Variants in ADGRL3 observed in about 807,000 individuals in gnomAD.
The protein encoded by ADGRL3 is adhesion G protein-coupled receptor L3, also known as calcium-independent alpha-latrotoxin receptor 3.
Under a neutral mutation model 153.5 loss-of-function variants are expected in ADGRL3, and 62 were observed. That is an observed-to-expected ratio of 0.40 (90% CI 0.33 to 0.50). ADGRL3 has a LOEUF of 0.50. ADGRL3 is among the 20% of genes least tolerant of loss of function. ADGRL3 has a pLI of 0.47. For synonymous variants in ADGRL3, 710 were observed against 672.5 expected, an observed-to-expected ratio of 1.06 and a Z score of -0.86; for missense variants, 1,641 against 1,859.4, an observed-to-expected ratio of 0.88 and a Z score of 2.16.
chr4:61,998,215 T>C lies in ADGRL3; in HGVS notation c.3345T>C (p.Phe1115=). ...IFLGIALYKM[F]HHTAILKPES... is the part of the protein sequence containing the mutation. ...TTGGGATTGCTTTATATAAAATGTT[T>C]CATCATACTGCTATACTGAAACCTG... The change falls in exon 21 of 27, where the codon TTT becomes TTC. Residue 1115 remains phenylalanine, a synonymous_variant. Coordinates refer to ENST00000683033, the MANE Select transcript of ADGRL3 (RefSeq NM_001387552.1). The C allele has an allele frequency of 6.3e-7, 1 of 1,587,800 alleles. No individual in the cohort carries two copies. The highest frequency in any genetic ancestry group is 1.4e-5 in the African/African-American group (1 of 73,894).
intron 13 of ADGRL3, among the ~76,000 whole-genome samples, chr4:61,931,594 GTC>G (rs1378244131): frequency 6.6e-6 from 1 of 152,132 alleles, no homozygotes; most frequent in African/African-American, 2.4e-5. Flanking sequence ...ACAGAATACT[GTC>G]TCTCTATCCT....
chr4:61,720,012 A>T (rs1580443402), intron 6 of ADGRL3, among the ~76,000 whole-genome samples: 1 of 152,058 alleles, frequency 6.6e-6, no homozygotes, highest in African/African-American at 2.4e-5. Flanking sequence ...GATGTCCAAG[A>T]AAAGCAATGT....
At chr4:61,789,078 CATAAA>C (rs1289790863) in intron 8 of ADGRL3, among the ~76,000 whole-genome samples, 4 of 151,860 alleles carry the variant, frequency 2.6e-5, no homozygotes, top group African/African-American at 9.7e-5. Context: ...TGCATTATGT[CATAAA>C]ATAAACAGAT....
rs1733577118 is a variant in ADGRL3 at position 62,050,610 on chromosome 4, GA to G, written c.3814+6068del. ...ATATTTTTAAAGAAAAAATGCAAAT[GA>G]AAAAAATCTAAGTGATGTTTCACTG... On this transcript the variant is annotated intron_variant, in intron 25 of 26. Coordinates refer to ENST00000683033, the MANE Select transcript of ADGRL3 (RefSeq NM_001387552.1). 2.0e-5 allele frequency among the ~76,000 whole-genome samples: 3 copies of G among 151,876 alleles called. No homozygotes were observed. The South Asian group carries it at 6.2e-4, about 32-fold the overall frequency.
At chr4:62,060,951 C>G (rs971637490) in intron 25 of ADGRL3, among the ~76,000 whole-genome samples, 4 of 151,862 alleles carry the variant, frequency 2.6e-5, no homozygotes, top group African/African-American at 9.7e-5. Flanking sequence ...TATGCTAATT[C>G]TTTGCAGGAA....
intron 1 of ADGRL3, among the ~76,000 whole-genome samples, chr4:61,237,190 TTCCAA>T (rs1273708262): frequency 6.6e-6 from 1 of 152,192 alleles, no homozygotes; most frequent in Non-Finnish European, 1.5e-5. Flanking sequence ...TCTTCACATT[TTCCAA>T]CCGTATATAT....
At chr4:61,817,786 G>A (rs1287707822) in intron 9 of ADGRL3, among the ~76,000 whole-genome samples, 2 of 152,032 alleles carry the variant, frequency 1.3e-5, no homozygotes, top group Non-Finnish European at 2.9e-5. Flanking sequence ...CAATGCAAGA[G>A]CCAAGCAAAA....
At chr4:61,302,648 A>G (rs1213564328) in intron 1 of ADGRL3, among the ~76,000 whole-genome samples, 1 of 152,098 alleles carries the variant, frequency 6.6e-6, no homozygotes, top group Non-Finnish European at 1.5e-5. Context: ...TATGCATATT[A>G]ATATTTTAAA....
intron 2 of ADGRL3, among the ~76,000 whole-genome samples, chr4:61,389,128 C>A (rs1393339843): frequency 1.3e-5 from 2 of 152,174 alleles, no homozygotes; most frequent in African/African-American, 4.8e-5. Flanking sequence ...AAGCAGCATG[C>A]ATGATCATGT....
At chr4:61,830,169 C>T (rs895132409) in intron 9 of ADGRL3, among the ~76,000 whole-genome samples, 7 of 152,028 alleles carry the variant, frequency 4.6e-5, no homozygotes, top group Non-Finnish European at 7.3e-5. Context: ...CCATCATGCC[C>T]AGCTAATTTT....
intron 1 of ADGRL3, among the ~76,000 whole-genome samples, chr4:61,381,013 T>C (rs909640417): frequency 6.6e-6 from 1 of 151,950 alleles, no homozygotes; most frequent in East Asian, 1.9e-4. Flanking sequence ...TCACACCTGG[T>C]TGCCTTCTCA....
At chr4:61,961,689 C>G (rs1351026225) in intron 17 of ADGRL3, among the ~76,000 whole-genome samples, 1 of 152,012 alleles carries the variant, frequency 6.6e-6, no homozygotes, top group Non-Finnish European at 1.5e-5. Context: ...GAGAATCTAC[C>G]TAGAGATATT....
At chr4:61,803,663 AC>A (rs1313800525) in intron 8 of ADGRL3, among the ~76,000 whole-genome samples, 1 of 152,104 alleles carries the variant, frequency 6.6e-6, no homozygotes, top group Non-Finnish European at 1.5e-5. Flanking sequence ...AAATGGAATG[AC>A]CATTTTAGAA....
intron 4 of ADGRL3, among the ~76,000 whole-genome samples, chr4:61,577,120 T>G (rs2098890353): frequency 6.6e-6 from 1 of 151,392 alleles, no homozygotes. Flanking sequence ...TATATGCCAC[T>G]GAAAGCTCTT....
Position 62,037,819 on chromosome 4 carries a change from G to C in ADGRL3, c.3680G>C (p.Gly1227Ala). 6.2e-7 allele frequency: 1 copy of C among 1,613,704 alleles called. No homozygotes were observed. The highest frequency in any genetic ancestry group is 2.2e-5 in the East Asian group (1 of 44,816). ...TCCATTGGTTCAGGGAAAACATCTG[G>C]TTCTCGAACTCCTGGACGCTACTCC... is the stretch of plus-strand genomic sequence containing the variant. Reference protein sequence around the residue: ...ESSIGSGKTSGSRTPGRYSTG... With the variant: ...ESSIGSGKTSASRTPGRYSTG... Residue 1227 changes from glycine to alanine, a missense_variant, in exon 24 of 27, where the codon GGT becomes GCT. By Grantham distance (60) the Gly-to-Ala change is moderately conservative. Transcript: ENST00000683033.
intron 8 of ADGRL3, among the ~76,000 whole-genome samples, chr4:61,754,128 A>G (rs2096791048): frequency 6.6e-6 from 1 of 152,200 alleles, no homozygotes; most frequent in African/African-American, 2.4e-5. Context: ...CATGAAATCA[A>G]ATTTAGTTCC....
chr4:61,821,189 C>CAAAA (rs34391051), intron 9 of ADGRL3, among the ~76,000 whole-genome samples: 5,417 of 107,576 alleles, frequency 0.05, 214 homozygotes, highest in African/African-American at 0.1. Flanking sequence ...TGCCAATTAC[C>CAAAA]AAAAAAAAAA....
At chr4:61,768,612 G>C (rs2097036214) in intron 8 of ADGRL3, among the ~76,000 whole-genome samples, 1 of 152,072 alleles carries the variant, frequency 6.6e-6, no homozygotes, top group Non-Finnish European at 1.5e-5. Context: ...AACTACTCTT[G>C]AGTTTGTATT....
At chr4:61,391,691 C>A (rs2096804352) in intron 2 of ADGRL3, among the ~76,000 whole-genome samples, 1 of 151,140 alleles carries the variant, frequency 6.6e-6, no homozygotes, top group Admixed American at 6.6e-5. Context: ...CTATTTATTT[C>A]TATTTATGGT....
Sources: gnomAD v4.1 joint callset for allele counts (sites outside exome capture counted in the v4.1 genomes callset) on GRCh38, gnomAD v4.1.1 for gene constraint, MANE v1.5 for transcripts, NCBI Gene and HGNC (gene_info 2026-07-23, HGNC 2026-07-21) for gene names.